Variants in RAPGEF5 observed in about 807,000 individuals in gnomAD.
The protein encoded by RAPGEF5 is Rap guanine nucleotide exchange factor 5, also known as M-Ras-regulated GEF.
A neutral mutation model predicts 125.2 loss-of-function variants in RAPGEF5; 65 were observed. The ratio of observed to expected loss-of-function variants is 0.52; its 90% CI spans 0.43 to 0.64. RAPGEF5 has a LOEUF of 0.64. RAPGEF5 is among the 30% of genes least tolerant of loss of function. RAPGEF5 has a pLI of 0.00. For synonymous variants in RAPGEF5, 391 were observed against 385.9 expected (o/e 1.01, Z -0.16); for missense variants, 958 against 1,048.1 (o/e 0.91, Z 1.19).
intron 9 of RAPGEF5, among the ~76,000 whole-genome samples, chr7:22,212,417 C>T (rs1785531909): frequency 6.6e-6 from 1 of 152,176 alleles, no homozygotes; most frequent in African/African-American, 2.4e-5. Context: ...TTAAATGCTT[C>T]CACAGCACTT....
At chr7:22,220,890 G>A (rs1408334828) in intron 8 of RAPGEF5, among the ~76,000 whole-genome samples, 2 of 152,148 alleles carry the variant, frequency 1.3e-5, no homozygotes, top group Non-Finnish European at 2.9e-5. Flanking sequence ...TAACCTACAG[G>A]ATTTGAATAT....
At chr7:22,171,196 T>C (rs577919500) in intron 11 of RAPGEF5, among the ~76,000 whole-genome samples, 2 of 152,318 alleles carry the variant, frequency 1.3e-5, no homozygotes, top group Admixed American at 1.3e-4. Flanking sequence ...ATGATGGTTA[T>C]ATGAATGATC....
intron 9 of RAPGEF5, among the ~76,000 whole-genome samples, chr7:22,197,290 T>C (rs1785169178): frequency 6.6e-6 from 1 of 152,168 alleles, no homozygotes; most frequent in African/African-American, 2.4e-5. Context: ...AAGAGACCCA[T>C]TCCTCCCAAA....
chr7:22,323,483 T>C (rs1783755810), intron 1 of RAPGEF5, among the ~76,000 whole-genome samples: 1 of 152,216 alleles, frequency 6.6e-6, no homozygotes, highest in Non-Finnish European at 1.5e-5. Context: ...TTGGGCTGTG[T>C]TTACAAACAA....
At chr7:22,347,351 C>T (rs1784242043) in intron 1 of RAPGEF5, among the ~76,000 whole-genome samples, 2 of 152,086 alleles carry the variant, frequency 1.3e-5, no homozygotes, top group Non-Finnish European at 2.9e-5. Context: ...CATGTTAAAG[C>T]TGTGATTTAC....
chr7:22,279,147 T>C (rs1782619915), intron 6 of RAPGEF5, among the ~76,000 whole-genome samples: 1 of 152,170 alleles, frequency 6.6e-6, no homozygotes, highest in East Asian at 1.9e-4. Context: ...AGTAATAGTT[T>C]TTTGGAAGGT....
intron 11 of RAPGEF5, among the ~76,000 whole-genome samples, chr7:22,187,774 C>T (rs1029051868): frequency 6.6e-5 from 10 of 152,312 alleles, no homozygotes; most frequent in East Asian, 1.9e-4. Context: ...AAAGGGGGAA[C>T]GTTGTTCCTA....
At chr7:22,224,758 A>G (rs1303025704) in intron 8 of RAPGEF5, among the ~76,000 whole-genome samples, 1 of 151,834 alleles carries the variant, frequency 6.6e-6, no homozygotes, top group African/African-American at 2.4e-5. Flanking sequence ...AAAGCAACTC[A>G]GCTAAGCTCC....
chr7:22,210,521 T>G (rs1185658363), intron 9 of RAPGEF5, among the ~76,000 whole-genome samples: 1 of 152,180 alleles, frequency 6.6e-6, no homozygotes, highest in Non-Finnish European at 1.5e-5. Flanking sequence ...CTCATTAAGT[T>G]TTTTGAGCCT....
In RAPGEF5 at chr7:22,163,555, G is replaced by T. The variant is rs560766496; in HGVS notation, c.1284-1014C>A. On this transcript the variant is annotated intron_variant, in intron 12 of 25. Coordinates refer to ENST00000665637, the MANE Select transcript of RAPGEF5 (RefSeq NM_012294.5). ...AAGGTAATGAGATTTTAGAGCATAT[G>T]AATTATTTTTATTGTACTTATTAGC... Among the ~76,000 whole-genome samples the T allele has an allele frequency of 6.5e-4, 99 of 152,280 alleles. 2 individuals carry two copies. Among genetic ancestry groups the T allele is most frequent in the Admixed American group, 6.4e-3 (98 of 15,290 alleles).
rs376753376 is a variant in RAPGEF5, at chr7:22,145,116, G to A, written c.2114C>T (p.Thr705Met). Reference sequence around the variant, plus strand: ...CAGCTGGCTGCAGAGCAGAATCTCCGTGGCCACCCAAAGCTGGACCTCATT... The same window carrying A: ...CAGCTGGCTGCAGAGCAGAATCTCCATGGCCACCCAAAGCTGGACCTCATT... ...RCNEVQLWVA[T>M]EILLCSQLGK... Residue 705 changes from threonine to methionine, a missense_variant, in exon 20 of 26, where the codon ACG (threonine) becomes ATG (methionine). Transcript: ENST00000665637. 6 of 1,613,822 alleles carry A rather than the reference G, an allele frequency of 3.7e-6. No individual in the cohort carries two copies. Among genetic ancestry groups the A allele is most frequent in the Non-Finnish European group, 5.1e-6 (6 of 1,179,818 alleles).
chr7:22,197,857 G>A (rs1430968708), intron 9 of RAPGEF5, among the ~76,000 whole-genome samples: 1 of 144,772 alleles, frequency 6.9e-6, no homozygotes, highest in African/African-American at 2.5e-5. Flanking sequence ...TGGAGGTTTA[G>A]AGAGCAACAC....
chr7:22,152,348 T>C (rs1783656018), intron 17 of RAPGEF5, among the ~76,000 whole-genome samples: 1 of 152,232 alleles, frequency 6.6e-6, no homozygotes, highest in Non-Finnish European at 1.5e-5. Flanking sequence ...CTTGCAGCCC[T>C]TTCTGTGCCT....
intron 12 of RAPGEF5, among the ~76,000 whole-genome samples, chr7:22,163,882 G>T (rs977989345): frequency 2.0e-5 from 3 of 152,122 alleles, no homozygotes; most frequent in African/African-American, 7.2e-5. Context: ...TTCAGGCTTT[G>T]CTAATATTTT....
intron 9 of RAPGEF5, among the ~76,000 whole-genome samples, chr7:22,197,226 G>A (rs1036345807): frequency 5.9e-5 from 9 of 152,198 alleles, no homozygotes; most frequent in African/African-American, 2.2e-4. Context: ...TGAACAAGGA[G>A]GAAGAGAAGA....
chr7:22,188,148 A>T (rs1784879042), intron 11 of RAPGEF5, among the ~76,000 whole-genome samples: 1 of 152,204 alleles, frequency 6.6e-6, no homozygotes, highest in African/African-American at 2.4e-5. Context: ...CCTACCCTCA[A>T]ACATTTTTAG....
intron 7 of RAPGEF5, among the ~76,000 whole-genome samples, chr7:22,258,672 A>C (rs1243278873): frequency 1.3e-5 from 2 of 151,560 alleles, no homozygotes; most frequent in African/African-American, 4.8e-5. Flanking sequence ...AGATCAATGG[A>C]ACAGAATAGA....
intron 23 of RAPGEF5, among the ~76,000 whole-genome samples, chr7:22,133,911 T>C (rs978490965): frequency 2.6e-4 from 40 of 152,166 alleles, no homozygotes; most frequent in African/African-American, 9.4e-4. Flanking sequence ...ATCCACTTAA[T>C]TGATAATCTG....
intron 1 of RAPGEF5, among the ~76,000 whole-genome samples, chr7:22,340,027 T>C (rs1410306023): frequency 2.0e-5 from 3 of 152,000 alleles, no homozygotes; most frequent in African/African-American, 4.8e-5. Context: ...AATTAATAGA[T>C]TGGGTGGGGT....
Sources: gnomAD v4.1 joint callset for allele counts (sites outside exome capture counted in the v4.1 genomes callset) on GRCh38, gnomAD v4.1.1 for gene constraint, MANE v1.5 for transcripts, NCBI Gene and HGNC (gene_info 2026-07-23, HGNC 2026-07-21) for gene names.